CYSLTR2: variants seen among roughly 807,000 people sequenced by gnomAD.
CYSLTR2 encodes the protein cysteinyl leukotriene receptor 2, also known as G-protein coupled receptor GPCR21.
For missense variants in CYSLTR2, 398 were observed against 411.9 expected (o/e 0.97, Z 0.29); for synonymous variants, 179 against 160.8 (o/e 1.11, Z -0.86).
At position 48,655,436 on chromosome 13, in the gene CYSLTR2, A is replaced by G. The variant is rs1566076996; in HGVS notation, c.-266+1419A>G. Among the ~76,000 whole-genome samples the G allele has an allele frequency of 2.6e-5, 4 of 152,338 alleles. No homozygotes were observed. In the South Asian group the frequency reaches 8.3e-4, roughly 32 times the overall value. ...CTTCTCTGGACCTCATATCCTCAGG[A>G]GGAAAGTGGATAGAGTTTATGCCAG... On this transcript the variant is annotated intron_variant, in intron 1 of 4. Transcript: ENST00000682523.
chr13:48,695,983 A>G (rs544749952), intron 3 of CYSLTR2, among the ~76,000 whole-genome samples: 1 of 152,342 alleles, frequency 6.6e-6, no homozygotes, highest in African/African-American at 2.4e-5. Flanking sequence ...GAAACAGCCA[A>G]ATTGTTTTCC....
chr13:48,707,843 G>A lies in CYSLTR2; in HGVS notation c.1026G>A (p.Lys342=). The A allele has an allele frequency of 6.6e-7, 1 of 1,524,808 alleles. No homozygotes were observed. The highest frequency in any genetic ancestry group is 8.8e-7 in the Non-Finnish European group (1 of 1,138,382). The allele number at this position is 1,524,808 out of a possible 1,614,324, so 94.5% of individuals were successfully genotyped here. ...CVFPVSVWLR[K]ETRV is the part of the protein sequence containing the mutation. The stretch of plus-strand genomic sequence containing the variant: ...TCCCTGTTAGTGTGTGGTTGAGAAA[G>A]GAAACAAGAGTATAAGGAGCTCTTA... Residue 342 remains lysine, a synonymous_variant, in exon 5 of 5, where the codon AAG becomes AAA. Transcript: ENST00000682523.
intron 4 of CYSLTR2, among the ~76,000 whole-genome samples, chr13:48,705,637 A>G (rs1253242004): frequency 1.3e-5 from 2 of 149,076 alleles, no homozygotes; most frequent in East Asian, 3.9e-4. Flanking sequence ...ATACATATAT[A>G]TATATCTTAT....
chr13:48,668,561 T>A (rs1010284684), intron 1 of CYSLTR2, among the ~76,000 whole-genome samples: 1 of 152,182 alleles, frequency 6.6e-6, no homozygotes. Flanking sequence ...CCTCATCAGA[T>A]ATGGGGTTGG....
chr13:48,679,801 C>T (rs1208604861), intron 1 of CYSLTR2, among the ~76,000 whole-genome samples: 2 of 152,034 alleles, frequency 1.3e-5, no homozygotes, highest in Non-Finnish European at 2.9e-5. Flanking sequence ...GCAGGTTTGG[C>T]CAAGACAGAT....
intron 4 of CYSLTR2, among the ~76,000 whole-genome samples, chr13:48,704,991 C>T (rs1954444090): frequency 6.6e-6 from 1 of 152,060 alleles, no homozygotes; most frequent in Admixed American, 6.6e-5. Context: ...TTTTCTATAC[C>T]TTTGCTGAGT....
chr13:48,706,788 C>G (rs1278778394), intron 4 of CYSLTR2, 29 bp from the exon 5 acceptor site: 3 of 1,554,176 alleles, frequency 1.9e-6, no homozygotes, highest in Non-Finnish European at 2.6e-6. Context: ...CACAAAGTAA[C>G]TTTTTGTGTC....
At chr13:48,675,255 C>G (rs1397787971) in intron 1 of CYSLTR2, among the ~76,000 whole-genome samples, 3 of 152,188 alleles carry the variant, frequency 2.0e-5, no homozygotes, top group Admixed American at 1.3e-4. Flanking sequence ...ACCCCTTCCC[C>G]CAGGTGCTCT....
Position 48,695,391 on chromosome 13 carries a change from T to C in CYSLTR2, c.-102-1135T>C, listed in dbSNP as rs7489404. Reference sequence around the variant, plus strand: ...TTCTCTTTATTCTTTCTTTCTTTCTTTCTCTCTCTCTCTCTTTCTCTCTCT... The same window carrying C: ...TTCTCTTTATTCTTTCTTTCTTTCTCTCTCTCTCTCTCTCTTTCTCTCTCT... On this transcript the variant is annotated intron_variant, in intron 3 of 4. Coordinates refer to ENST00000682523, the MANE Select transcript of CYSLTR2 (RefSeq NM_001308476.3). Among the ~76,000 whole-genome samples the C allele has an allele frequency of 4.9e-3, 674 of 138,806 alleles. 3 individuals are homozygous for C. Among genetic ancestry groups the C allele is most frequent in the Middle Eastern group, 0.014 (4 of 280 alleles). 91.1% of individuals were successfully genotyped at this position (138,806 alleles called of 152,430 possible).
intron 1 of CYSLTR2, among the ~76,000 whole-genome samples, 200 bp from the exon 2 acceptor site, chr13:48,691,012 T>C (rs1954024606): frequency 6.6e-6 from 1 of 152,122 alleles, no homozygotes; most frequent in Non-Finnish European, 1.5e-5. Context: ...TATCAGTGTA[T>C]AAGTATTCTT....
intron 1 of CYSLTR2, among the ~76,000 whole-genome samples, chr13:48,664,257 G>A (rs964198252): frequency 6.6e-6 from 1 of 151,820 alleles, no homozygotes. Context: ...GCTTCTATAC[G>A]TATCAGGGAT....
At chr13:48,689,494 C>T (rs1461773004) in intron 1 of CYSLTR2, among the ~76,000 whole-genome samples, 1 of 152,102 alleles carries the variant, frequency 6.6e-6, no homozygotes, top group Non-Finnish European at 1.5e-5. Context: ...TTTCCAACAC[C>T]ATTTATTAAG....
chr13:48,678,464 T>C (rs947096651), intron 1 of CYSLTR2, among the ~76,000 whole-genome samples: 15 of 152,144 alleles, frequency 9.9e-5, no homozygotes, highest in African/African-American at 3.6e-4. Flanking sequence ...TGCCTGTCCC[T>C]TAATTGTTGG....
chr13:48,697,147 C>T (rs1318753419), intron 4 of CYSLTR2, among the ~76,000 whole-genome samples: 1 of 152,192 alleles, frequency 6.6e-6, no homozygotes, highest in African/African-American at 2.4e-5. Flanking sequence ...TGTCTGACAG[C>T]TTTGAAGAGA....
intron 1 of CYSLTR2, among the ~76,000 whole-genome samples, chr13:48,666,066 G>A (rs1953253833): frequency 6.6e-6 from 1 of 152,042 alleles, no homozygotes; most frequent in African/African-American, 2.4e-5. Flanking sequence ...ACTCCTTTGA[G>A]CATTTCTTTT....
At chr13:48,678,140 G>A (rs190549349) in intron 1 of CYSLTR2, among the ~76,000 whole-genome samples, 1 of 152,120 alleles carries the variant, frequency 6.6e-6, no homozygotes, top group South Asian at 2.1e-4. Context: ...GATGAGGACA[G>A]TTTGGTGGAG....
chr13:48,671,449 C>T (rs1284430631), intron 1 of CYSLTR2, among the ~76,000 whole-genome samples: 4 of 152,104 alleles, frequency 2.6e-5, no homozygotes, highest in Admixed American at 1.3e-4. Context: ...GACATATGTT[C>T]CTTCAACATC....
intron 1 of CYSLTR2, among the ~76,000 whole-genome samples, chr13:48,683,049 G>A (rs1953799435): frequency 6.6e-6 from 1 of 152,114 alleles, no homozygotes; most frequent in Non-Finnish European, 1.5e-5. Flanking sequence ...TTCCTGCAAA[G>A]GACACGATCT....
intron 1 of CYSLTR2, among the ~76,000 whole-genome samples, chr13:48,661,688 C>T (rs984854059): frequency 6.6e-6 from 1 of 152,190 alleles, no homozygotes; most frequent in Non-Finnish European, 1.5e-5. Flanking sequence ...CACCAACTGT[C>T]TCCTGTGAAC....
Sources: gnomAD v4.1 joint callset for allele counts (sites outside exome capture counted in the v4.1 genomes callset) on GRCh38, gnomAD v4.1.1 for gene constraint, MANE v1.5 for transcripts, NCBI Gene and HGNC (gene_info 2026-07-23, HGNC 2026-07-21) for gene names.